Variants in KLF13 observed in about 807,000 individuals in gnomAD.
The protein encoded by KLF13 is KLF transcription factor 13.
In KLF13, 8 loss-of-function variants were observed where a neutral mutation model predicts 16.7. That is an observed-to-expected ratio of 0.48 (90% confidence interval 0.28 to 0.87). The LOEUF is 0.87. KLF13 is among the 40% of genes least tolerant of loss of function. The pLI is 0.10. For missense variants in KLF13, 447 were observed against 452.2 expected (o/e 0.99, Z 0.10); for synonymous variants, 245 against 208.4 (o/e 1.18, Z -1.51).
chr15:31,385,523 C>T (rs550745134), intron 1 of KLF13, among the ~76,000 whole-genome samples: 13 of 152,328 alleles, frequency 8.5e-5, no homozygotes, highest in Admixed American at 4.6e-4. Context: ...GTGTCTTGGT[C>T]ACATTTTGGT....
intron 1 of KLF13, among the ~76,000 whole-genome samples, chr15:31,361,834 G>A (rs995038836): frequency 1.6e-5 from 2 of 127,470 alleles, no homozygotes; most frequent in African/African-American, 6.2e-5. Context: ...CACCCCAGAC[G>A]TCACAGCCAG....
At chr15:31,358,285 A>G (rs1398809048) in intron 1 of KLF13, among the ~76,000 whole-genome samples, 1 of 152,254 alleles carries the variant, frequency 6.6e-6, no homozygotes, top group East Asian at 1.9e-4. Flanking sequence ...GGTTGACTAT[A>G]GTACAGTTGC....
intron 1 of KLF13, among the ~76,000 whole-genome samples, chr15:31,363,161 T>TA (rs1461526949): frequency 6.6e-6 from 1 of 152,228 alleles, no homozygotes; most frequent in Non-Finnish European, 1.5e-5. Flanking sequence ...AATGCCTGCT[T>TA]ACCTGCAGCC....
intron 1 of KLF13, among the ~76,000 whole-genome samples, chr15:31,424,313 A>G (rs1254704744): frequency 6.6e-6 from 1 of 152,176 alleles, no homozygotes; most frequent in East Asian, 1.9e-4. Flanking sequence ...TGATGCAAAA[A>G]TCCTCAACAA....
chr15:31,426,919 G>T (rs928307565), intron 1 of KLF13, among the ~76,000 whole-genome samples: 1 of 152,118 alleles, frequency 6.6e-6, no homozygotes, highest in East Asian at 1.9e-4. Context: ...TAGAGCTGGG[G>T]CACCCTTCTT....
At chr15:31,332,581 C>G (rs1405762600) in intron 1 of KLF13, among the ~76,000 whole-genome samples, 4 of 152,212 alleles carry the variant, frequency 2.6e-5, no homozygotes, top group Non-Finnish European at 5.9e-5. Flanking sequence ...TTCATTAAAC[C>G]AGTAGCCTGT....
chr15:31,420,074 A>T, intron 1 of KLF13: 1 of 356,124 alleles, frequency 2.8e-6, no homozygotes. Context: ...TTGTCAACCA[A>T]GAATATTATA....
intron 1 of KLF13, among the ~76,000 whole-genome samples, chr15:31,410,199 G>T (rs1399801736): frequency 1.3e-5 from 2 of 151,906 alleles, no homozygotes; most frequent in African/African-American, 2.4e-5. Context: ...ATAAAAATAT[G>T]TATATTATAA....
intron 1 of KLF13, among the ~76,000 whole-genome samples, chr15:31,433,661 C>A (rs1281107391): frequency 1.3e-5 from 2 of 151,884 alleles, no homozygotes; most frequent in African/African-American, 4.9e-5. Context: ...ACTATGGCAC[C>A]TTTGTGGGCC....
downstream of KLF13, among the ~76,000 whole-genome samples, chr15:31,381,109 T>C (rs2039719217): frequency 6.7e-6 from 1 of 149,420 alleles, no homozygotes; most frequent in African/African-American, 2.5e-5. Flanking sequence ...GAGCTGGAAG[T>C]TGCAGTGAGC....
intron 1 of KLF13, among the ~76,000 whole-genome samples, chr15:31,329,656 G>A (rs1188236141): frequency 2.0e-5 from 3 of 152,216 alleles, no homozygotes; most frequent in Non-Finnish European, 4.4e-5. Flanking sequence ...TCCCGCTGTA[G>A]GTGGGGCCAG....
At chr15:31,415,075 C>T (rs920077571) in intron 1 of KLF13, among the ~76,000 whole-genome samples, 1 of 152,102 alleles carries the variant, frequency 6.6e-6, no homozygotes, top group African/African-American at 2.4e-5. Flanking sequence ...CACTTCCCTT[C>T]CTCCCCTCTC....
intron 1 of KLF13, among the ~76,000 whole-genome samples, chr15:31,422,743 A>C (rs2040343813): frequency 6.6e-6 from 1 of 152,160 alleles, no homozygotes; most frequent in Non-Finnish European, 1.5e-5. Flanking sequence ...CAATAAAAGA[A>C]TCAATTTTCA....
chr15:31,426,589 A>G (rs2040403996), intron 1 of KLF13, among the ~76,000 whole-genome samples: 1 of 152,272 alleles, frequency 6.6e-6, no homozygotes, highest in Non-Finnish European at 1.5e-5. Flanking sequence ...ATATATAAAG[A>G]ACATTTACAG....
chr15:31,353,935 G>T (rs1014504228), intron 1 of KLF13, among the ~76,000 whole-genome samples: 2 of 152,224 alleles, frequency 1.3e-5, no homozygotes, highest in African/African-American at 4.8e-5. Context: ...CACCCCCACA[G>T]CCCTGCCTAG....
chr15:31,358,736 C>T (rs997856881), intron 1 of KLF13, among the ~76,000 whole-genome samples: 5 of 152,236 alleles, frequency 3.3e-5, no homozygotes, highest in Non-Finnish European at 7.3e-5. Context: ...ATATTCCTGT[C>T]TTGCCTTGTG....
intron 1 of KLF13, among the ~76,000 whole-genome samples, chr15:31,433,073 T>C (rs527675734): frequency 6.6e-6 from 1 of 152,272 alleles, no homozygotes; most frequent in African/African-American, 2.4e-5. Flanking sequence ...AACACATAAA[T>C]AATCTTGAGC....
rs181080415 is a variant in KLF13, at chr15:31,421,142, A to G, written n.118-14228A>G. The stretch of plus-strand genomic sequence containing the variant: ...ATTAAGCCTCGGTTGAGCCATTGTG[A>G]TGTATATTAAATAAATACATTTTGG... On this transcript the variant is annotated intron_variant and non_coding_transcript_variant, in intron 1 of 1. Coordinates refer to the KLF13 transcript ENST00000558225. Among the ~76,000 whole-genome samples, 156 of 151,132 alleles carry G rather than the reference A, an allele frequency of 1.0e-3. 1 individual carries two copies. The East Asian group carries it at 0.021, about 20-fold the overall frequency.
chr15:31,366,539 G>A (rs1246372211), intron 1 of KLF13: 1 of 152,310 alleles, frequency 6.6e-6, no homozygotes, highest in African/African-American at 2.4e-5. Flanking sequence ...TGGAGCTAGA[G>A]GGAGCTCCTG....
Sources: allele counts gnomAD v4.1 joint callset (sites outside exome capture counted in the v4.1 genomes callset), GRCh38; gene constraint gnomAD v4.1.1; transcripts MANE v1.5; gene names NCBI Gene and HGNC (gene_info 2026-07-23, HGNC 2026-07-21).